GAREM1: variants seen among roughly 807,000 people sequenced by gnomAD.
The protein encoded by GAREM1 is GRB2-associated and regulator of MAPK protein 1.
Under a neutral mutation model 71.3 loss-of-function variants are expected in GAREM1, and 26 were observed. The observed-to-expected ratio is 0.36, with a 90% CI of 0.27 to 0.51. GAREM1 has a LOEUF of 0.51. GAREM1 is among the 20% of genes least tolerant of loss of function. The pLI is 0.95. For missense variants in GAREM1, 1,026 were observed against 1,103.1 expected (o/e 0.93, Z 0.99); for synonymous variants, 440 against 433.2 (o/e 1.02, Z -0.20).
intron 1 of GAREM1, among the ~76,000 whole-genome samples, chr18:32,450,513 C>G (rs1287141237): frequency 6.6e-6 from 1 of 152,310 alleles, no homozygotes; most frequent in East Asian, 1.9e-4. Context: ...TCAATTCTCT[C>G]TTGATCAATG....
At chr18:32,393,117 A>AGTTTT in intron 1 of GAREM1, 82 bp from the exon 2 acceptor site, 4 of 1,364,798 alleles carry the variant, frequency 2.9e-6, no homozygotes, top group East Asian at 2.4e-5. Flanking sequence ...TCATTAGTTA[A>AGTTTT]AACTTGACTA....
At chr18:32,343,920 G>A (rs1175705810) in intron 2 of GAREM1, among the ~76,000 whole-genome samples, 1 of 152,030 alleles carries the variant, frequency 6.6e-6, no homozygotes, top group Non-Finnish European at 1.5e-5. Flanking sequence ...CCTGAATACA[G>A]ACAGGCTGCT....
At chr18:32,326,889 C>A (rs1036043773) in intron 2 of GAREM1, among the ~76,000 whole-genome samples, 1 of 152,192 alleles carries the variant, frequency 6.6e-6, no homozygotes, top group African/African-American at 2.4e-5. Flanking sequence ...AATATTCCAT[C>A]CAACAGGGGC....
intron 1 of GAREM1, among the ~76,000 whole-genome samples, chr18:32,457,642 CTCTTAAAGCTA>C (rs1262863985): frequency 2.8e-4 from 42 of 152,122 alleles, no homozygotes; most frequent in African/African-American, 8.4e-4. Context: ...CTAAAAGATT[CTCTTAAAGCTA>C]TCTTGTTGTT....
chr18:32,270,788 T>C (rs2041449732), intron 4 of GAREM1, among the ~76,000 whole-genome samples: 1 of 152,112 alleles, frequency 6.6e-6, no homozygotes, highest in African/African-American at 2.4e-5. Context: ...TCTCTTCTAT[T>C]AGGTTGTGTT....
At chr18:32,315,718 T>C (rs1278568860) in intron 2 of GAREM1, among the ~76,000 whole-genome samples, 6 of 151,956 alleles carry the variant, frequency 3.9e-5, no homozygotes, top group African/African-American at 1.4e-4. Context: ...AAAACTGTGA[T>C]TGCAGGTACT....
At chr18:32,345,040 C>T (rs181409757) in intron 2 of GAREM1, among the ~76,000 whole-genome samples, 9 of 152,018 alleles carry the variant, frequency 5.9e-5, no homozygotes, top group Admixed American at 1.3e-4. Flanking sequence ...CCAGCCTGGG[C>T]GAAAGAGCAA....
At chr18:32,466,543 T>G (rs781454302) in intron 1 of GAREM1, among the ~76,000 whole-genome samples, 4 of 152,186 alleles carry the variant, frequency 2.6e-5, no homozygotes, top group Non-Finnish European at 5.9e-5. Context: ...TCACCAAATC[T>G]TTTAGGAGGC....
intron 2 of GAREM1, among the ~76,000 whole-genome samples, chr18:32,383,751 T>C (rs1388063631): frequency 1.3e-5 from 2 of 152,196 alleles, no homozygotes; most frequent in Non-Finnish European, 2.9e-5. Flanking sequence ...AATGTAAGTA[T>C]AAAGAAATGG....
At chr18:32,275,261 A>G (rs2041523848) in intron 4 of GAREM1, among the ~76,000 whole-genome samples, 1 of 152,174 alleles carries the variant, frequency 6.6e-6, no homozygotes, top group African/African-American at 2.4e-5. Context: ...ATGAAGATCT[A>G]AAGGACTATA....
At chr18:32,434,771 A>G (rs979561553) in intron 1 of GAREM1, among the ~76,000 whole-genome samples, 1 of 152,206 alleles carries the variant, frequency 6.6e-6, no homozygotes, top group African/African-American at 2.4e-5. Flanking sequence ...ATACCGCTAC[A>G]GTTAAGATCC....
intron 1 of GAREM1, among the ~76,000 whole-genome samples, chr18:32,444,913 G>A (rs981259899): frequency 6.6e-6 from 1 of 152,126 alleles, no homozygotes; most frequent in African/African-American, 2.4e-5. Context: ...CTCTTCATCT[G>A]GCTTAATTCC....
intron 1 of GAREM1, among the ~76,000 whole-genome samples, chr18:32,446,903 G>GTT (rs1568014696): frequency 6.6e-6 from 1 of 152,194 alleles, no homozygotes; most frequent in African/African-American, 2.4e-5. Context: ...TCCAGCCGTG[G>GTT]TGAGTGTCAT....
intron 2 of GAREM1, among the ~76,000 whole-genome samples, chr18:32,345,428 T>C (rs2047686283): frequency 6.6e-6 from 1 of 152,184 alleles, no homozygotes; most frequent in South Asian, 2.1e-4. Context: ...CATCATTCAA[T>C]GATAAACTAC....
At chr18:32,295,467 A>C (rs958345488) in intron 3 of GAREM1, among the ~76,000 whole-genome samples, 3 of 152,160 alleles carry the variant, frequency 2.0e-5, no homozygotes, top group Non-Finnish European at 4.4e-5. Context: ...GCTTACATTA[A>C]ACCTAAGCTT....
chr18:32,357,904 A>C (rs1286559974), intron 2 of GAREM1, among the ~76,000 whole-genome samples: 1 of 152,160 alleles, frequency 6.6e-6, no homozygotes, highest in Non-Finnish European at 1.5e-5. Context: ...GGTGCCTTGA[A>C]TTCTATTACA....
intron 2 of GAREM1, 95 bp downstream of exon 2, chr18:32,392,800 A>T: frequency 7.6e-7 from 1 of 1,317,458 alleles, no homozygotes. Flanking sequence ...AAGTCATTCT[A>T]CTTTCTAGTT....
chr18:32,352,175 G>T (rs567653174), intron 2 of GAREM1, among the ~76,000 whole-genome samples: 60 of 152,230 alleles, frequency 3.9e-4, no homozygotes, highest in Non-Finnish European at 6.5e-4. Flanking sequence ...TATTCCAAAA[G>T]TTCATTTATT....
intron 2 of GAREM1, among the ~76,000 whole-genome samples, chr18:32,364,026 A>ATATATATATT (rs1336753011): frequency 4.3e-5 from 2 of 46,418 alleles, no homozygotes; most frequent in African/African-American, 1.6e-4. Flanking sequence ...ATATATATAT[A>ATATATATATT]TGTTTTTTTT....
Sources: allele counts gnomAD v4.1 joint callset (sites outside exome capture counted in the v4.1 genomes callset), GRCh38; gene constraint gnomAD v4.1.1; transcripts MANE v1.5; gene names NCBI Gene and HGNC (gene_info 2026-07-23, HGNC 2026-07-21).